Variants in ZIM2 observed in about 807,000 individuals in gnomAD.
ZIM2 encodes zinc finger protein 656.
A neutral mutation model predicts 38.6 loss-of-function variants in ZIM2; 14 were observed. That is an observed-to-expected ratio of 0.36 (90% CI 0.24 to 0.57). ZIM2 has a LOEUF of 0.57. ZIM2 is among the 20% of genes least tolerant of loss of function. The probability of loss-of-function intolerance (pLI) is 0.81; values close to 1 mark genes in which losing one functional copy is unlikely to be tolerated. For missense variants in ZIM2, 680 were observed against 695.1 expected (o/e 0.98, Z 0.24); for synonymous variants, 247 against 245.8 (o/e 1.00, Z -0.04).
intron 9 of ZIM2, among the ~76,000 whole-genome samples, chr19:56,801,971 C>A (rs116332724): frequency 0.016 from 2,372 of 152,240 alleles, 59 homozygotes; most frequent in African/African-American, 0.055. Context: ...AGAGTGATCC[C>A]AGGTCCCCTA....
chr19:56,822,629 G>T, intron 6 of ZIM2, 124 bp downstream of exon 6: 2 of 1,350,794 alleles, frequency 1.5e-6, no homozygotes, highest in Non-Finnish European at 2.0e-6. Flanking sequence ...CTAAACTTTT[G>T]GGGAAGCGGA....
At chr19:56,826,053 C>T (rs559010960) in intron 3 of ZIM2, among the ~76,000 whole-genome samples, 9 of 152,290 alleles carry the variant, frequency 5.9e-5, no homozygotes, top group East Asian at 5.8e-4. Flanking sequence ...AAGACCTTAG[C>T]GACTGGACTA....
chr19:56,821,088 T>C (rs1266780276), intron 7 of ZIM2, among the ~76,000 whole-genome samples: 1 of 152,246 alleles, frequency 6.6e-6, no homozygotes, highest in Non-Finnish European at 1.5e-5. Context: ...CATTTAACGG[T>C]GTGCCTACCA....
At chr19:56,807,772 C>T in intron 9 of ZIM2, among the ~76,000 whole-genome samples, 1 of 149,284 alleles carries the variant, frequency 6.7e-6, no homozygotes. Context: ...GGCTGGGCAA[C>T]AGAGTGAGAC....
At chr19:56,796,408 T>C (rs2047231295) in intron 9 of ZIM2, among the ~76,000 whole-genome samples, 1 of 152,214 alleles carries the variant, frequency 6.6e-6, no homozygotes, top group Non-Finnish European at 1.5e-5. Context: ...TTTTTCTTTT[T>C]TTTTAACTTT....
chr19:56,832,036 A>G (rs1056136848), intron 2 of ZIM2, among the ~76,000 whole-genome samples: 1 of 152,240 alleles, frequency 6.6e-6, no homozygotes. Context: ...AAACTGGAAG[A>G]AAACTCACAT....
At chr19:56,800,743 T>G (rs1216988954) in intron 9 of ZIM2, among the ~76,000 whole-genome samples, 1 of 152,116 alleles carries the variant, frequency 6.6e-6, no homozygotes, top group Non-Finnish European at 1.5e-5. Context: ...AAAAGAGGTA[T>G]GATAGAACAA....
chr19:56,812,928 G>A (rs934252860), intron 9 of ZIM2: 13 of 985,406 alleles, frequency 1.3e-5, no homozygotes, highest in East Asian at 2.3e-4. Flanking sequence ...AAGCCAATCC[G>A]TATATTGTAA....
At chr19:56,822,211 G>T (rs1568666830) in intron 6 of ZIM2, among the ~76,000 whole-genome samples, 1 of 152,086 alleles carries the variant, frequency 6.6e-6, no homozygotes, top group Admixed American at 6.5e-5. Context: ...TCAATTTTAG[G>T]GTGCCCTGCT....
rs1229973512 is a variant in ZIM2, at chr19:56,812,809, T to A, written c.490+4937A>T. The A allele has an allele frequency of 3.2e-5, 30 of 929,992 alleles. No homozygotes were observed. The African/African-American group carries it at 6.4e-4, about 20-fold the overall frequency. The allele number at this position is 929,992 out of a possible 1,614,324, so 57.6% of individuals were successfully genotyped here. A position where few individuals can be genotyped will look rare whatever the true frequency, so the allele number is the denominator to read the frequency against. ...CAATTCACTATCATCAAACACATAT[T>A]GAGTTGGTTAAAAAAAAAAAAAACC... is the stretch of plus-strand genomic sequence containing the variant. On this transcript the variant is annotated intron_variant, in intron 9 of 12. Coordinates refer to ENST00000629319, the MANE Select transcript of ZIM2 (RefSeq NM_001387356.1).
chr19:56,789,662 A>G (rs967923658), intron 10 of ZIM2, among the ~76,000 whole-genome samples: 1 of 152,224 alleles, frequency 6.6e-6, no homozygotes, highest in Non-Finnish European at 1.5e-5. Flanking sequence ...AAGGAGGATA[A>G]AAGAGTCAGA....
intron 5 of ZIM2, 39 bp from the exon 6 acceptor site, chr19:56,822,875 T>C: frequency 6.9e-6 from 11 of 1,597,826 alleles, no homozygotes; most frequent in South Asian, 1.1e-5. Context: ...ACAAAGCTCT[T>C]TGACACACCT....
chr19:56,818,740 C>T, intron 7 of ZIM2, 38 bp from the exon 8 acceptor site: 1 of 1,588,884 alleles, frequency 6.3e-7, no homozygotes, highest in South Asian at 1.1e-5. Flanking sequence ...TGGAGTCTGT[C>T]CCCACCGATG....
Position 56,783,654 on chromosome 19 carries a change from A to C in ZIM2, c.571-1533T>G, listed in dbSNP as rs550865780. Among the ~76,000 whole-genome samples the C allele has an allele frequency of 3.3e-5, 5 of 152,318 alleles. No individual in the cohort carries two copies. The East Asian group carries it at 5.8e-4, about 18-fold the overall frequency. On this transcript the variant is annotated intron_variant, in intron 10 of 12. Coordinates refer to ENST00000629319, the MANE Select transcript of ZIM2 (RefSeq NM_001387356.1). ...TACATGGTCATTAAAATGGGACAACAGACACTAGGGAATACAAGAGGAGGC... is the reference window on the plus strand; with the variant it reads ...TACATGGTCATTAAAATGGGACAACCGACACTAGGGAATACAAGAGGAGGC...
At chr19:56,790,597 T>C (rs925348997) in intron 9 of ZIM2, among the ~76,000 whole-genome samples, 1 of 152,202 alleles carries the variant, frequency 6.6e-6, no homozygotes, top group Non-Finnish European at 1.5e-5. Flanking sequence ...GACCTTATTT[T>C]ACTTAATAAT....
At chr19:56,789,791 T>C in intron 10 of ZIM2, 81 bp downstream of exon 10, 5 of 1,245,756 alleles carry the variant, frequency 4.0e-6, no homozygotes, top group Non-Finnish European at 5.3e-6. Context: ...AGTATGTGGT[T>C]TAATTAAATA....
chr19:56,837,174 G>A (rs2062236255), intron 1 of ZIM2, among the ~76,000 whole-genome samples: 1 of 152,008 alleles, frequency 6.6e-6, no homozygotes, highest in South Asian at 2.1e-4. Context: ...ACTAAGCTTT[G>A]GAAGCTGGGC....
chr19:56,801,691 C>T (rs934772770), intron 9 of ZIM2, among the ~76,000 whole-genome samples: 1 of 152,126 alleles, frequency 6.6e-6, no homozygotes, highest in Non-Finnish European at 1.5e-5. Flanking sequence ...GGAAGTGGAC[C>T]AATCCCATAG....
intron 9 of ZIM2, chr19:56,813,668 C>T (rs1453922125): frequency 1.2e-6 from 2 of 1,608,914 alleles, no homozygotes; most frequent in Non-Finnish European, 1.7e-6. Context: ...ACCTTTACCC[C>T]ATGCCCTCAG....
Sources: gnomAD v4.1 joint callset for allele counts (sites outside exome capture counted in the v4.1 genomes callset) on GRCh38, gnomAD v4.1.1 for gene constraint, MANE v1.5 for transcripts, NCBI Gene and HGNC (gene_info 2026-07-23, HGNC 2026-07-21) for gene names.